Variants in CAB39 observed in about 807,000 individuals in gnomAD.
CAB39 encodes calcium-binding protein 39.
CAB39 carries 8 observed loss-of-function variants against 40.0 expected under a neutral mutation model. That is an observed-to-expected ratio of 0.20 (90% CI 0.12 to 0.36). CAB39 has a LOEUF of 0.36. Ranked by LOEUF, CAB39 falls within the 10% of genes least tolerant of loss-of-function variation. The pLI, the probability that CAB39 is intolerant of heterozygous loss-of-function variation, is 1.00. For synonymous variants in CAB39, 156 were observed against 141.6 expected (o/e 1.10, Z -0.72); for missense variants, 270 against 401.1 (o/e 0.67, Z 2.79).
At chr2:230,812,370 T>C (rs900706198) in intron 6 of CAB39, among the ~76,000 whole-genome samples, 1 of 152,198 alleles carries the variant, frequency 6.6e-6, no homozygotes, top group Non-Finnish European at 1.5e-5. Context: ...AGGACAGGTA[T>C]CTAGGTTTGT....
chr2:230,721,290 G>A (rs767516192), intron 1 of CAB39, among the ~76,000 whole-genome samples: 2 of 152,170 alleles, frequency 1.3e-5, no homozygotes, highest in Non-Finnish European at 2.9e-5. Context: ...AATTAGCTGG[G>A]CATGGTGTCA....
chr2:230,740,074 T>A (rs1694850652), intron 1 of CAB39, among the ~76,000 whole-genome samples: 1 of 152,240 alleles, frequency 6.6e-6, no homozygotes, highest in Non-Finnish European at 1.5e-5. Context: ...AAGTGCTATT[T>A]GGTGACTCTT....
chr2:230,741,128 T>G (rs1369257587), intron 1 of CAB39, among the ~76,000 whole-genome samples: 2 of 152,216 alleles, frequency 1.3e-5, no homozygotes, highest in African/African-American at 4.8e-5. Flanking sequence ...TTTATCTCCC[T>G]CTGACAAAAC....
In CAB39 at chr2:230,820,347, A is replaced by G. The variant is rs1327400040; in HGVS notation, c.*1643A>G. The G allele has an allele frequency of 6.6e-6, 1 of 152,246 alleles. No individual in the cohort carries two copies. The highest frequency in any genetic ancestry group is 1.5e-5 in the Non-Finnish European group (1 of 68,050). 9.4% of individuals were successfully genotyped at this position (152,246 alleles called of 1,614,324 possible). On this transcript the variant is annotated 3_prime_UTR_variant, in exon 9 of 9. Transcript: ENST00000258418. ...CAGGTTTTAAACCTTCAGGAACACC[A>G]GTTAGGAAAATAGCTCCAGAAAATA...
chr2:230,718,782 G>GC (rs1322814301), intron 1 of CAB39, among the ~76,000 whole-genome samples: 1 of 152,126 alleles, frequency 6.6e-6, no homozygotes, highest in Non-Finnish European at 1.5e-5. Flanking sequence ...GAACACTGAG[G>GC]CCCACCGTAA....
chr2:230,775,354 G>A (rs1460761870), intron 2 of CAB39, among the ~76,000 whole-genome samples: 1 of 151,550 alleles, frequency 6.6e-6, no homozygotes, highest in East Asian at 1.9e-4. Context: ...TCCTGCCTCA[G>A]CCTCCTGAGT....
intron 2 of CAB39, among the ~76,000 whole-genome samples, chr2:230,777,941 A>G (rs1695623122): frequency 6.6e-6 from 1 of 152,134 alleles, no homozygotes; most frequent in Admixed American, 6.6e-5. Flanking sequence ...CTTCAATAAC[A>G]TTTTGCCAAA....
chr2:230,735,528 G>A (rs1379640354), intron 1 of CAB39, among the ~76,000 whole-genome samples: 1 of 145,154 alleles, frequency 6.9e-6, no homozygotes, highest in African/African-American at 2.6e-5. Context: ...TTGGGGGGAT[G>A]GGGGGGACAG....
chr2:230,810,465 T>C (rs1696284889), intron 6 of CAB39, 143 bp downstream of exon 6: 1 of 411,698 alleles, frequency 2.4e-6, no homozygotes, highest in Non-Finnish European at 4.5e-6. Context: ...TTTCTCTACT[T>C]AAACAACTTA....
chr2:230,793,061 TGAA>T, intron 3 of CAB39, 149 bp from the exon 4 acceptor site: 3 of 547,158 alleles, frequency 5.5e-6, no homozygotes, highest in Non-Finnish European at 6.7e-6. Flanking sequence ...GAATTACAAA[TGAA>T]GAGATAATTT....
At chr2:230,772,287 G>T (rs1458402392) in intron 2 of CAB39, among the ~76,000 whole-genome samples, 1 of 152,186 alleles carries the variant, frequency 6.6e-6, no homozygotes, top group Non-Finnish European at 1.5e-5. Flanking sequence ...GAGATAGGCA[G>T]ATGTCAAATA....
chr2:230,727,205 C>A (rs1210933461), intron 1 of CAB39, among the ~76,000 whole-genome samples: 1 of 149,852 alleles, frequency 6.7e-6, no homozygotes, highest in East Asian at 2.0e-4. Flanking sequence ...AGATTGTTAA[C>A]CATATTTAAT....
intron 1 of CAB39, among the ~76,000 whole-genome samples, chr2:230,723,004 T>C (rs1029727493): frequency 2.6e-5 from 4 of 152,234 alleles, no homozygotes; most frequent in Admixed American, 2.0e-4. Flanking sequence ...TTCTTAATTT[T>C]CAATTTTGTT....
chr2:230,783,440 C>CTAGTT (rs1695729995), intron 2 of CAB39, among the ~76,000 whole-genome samples: 1 of 56,382 alleles, frequency 1.8e-5, no homozygotes, highest in Non-Finnish European at 4.1e-5. Context: ...CTGTTCTTGT[C>CTAGTT]TAGTTTTGTT....
intron 1 of CAB39, among the ~76,000 whole-genome samples, chr2:230,727,304 G>A (rs1169412430): frequency 3.3e-5 from 5 of 151,104 alleles, no homozygotes; most frequent in African/African-American, 1.2e-4. Flanking sequence ...TTTTAAATGT[G>A]TGTAAATATT....
At chr2:230,764,470 T>C (rs1425876177) in intron 2 of CAB39, among the ~76,000 whole-genome samples, 1 of 152,218 alleles carries the variant, frequency 6.6e-6, no homozygotes, top group Non-Finnish European at 1.5e-5. Flanking sequence ...TATATCTGCA[T>C]GTAGCTCCAT....
intron 2 of CAB39, among the ~76,000 whole-genome samples, chr2:230,777,929 C>G (rs1695622687): frequency 6.6e-6 from 1 of 152,194 alleles, no homozygotes; most frequent in African/African-American, 2.4e-5. Context: ...CCTTTTAAAA[C>G]TCTTCAATAA....
chr2:230,743,804 TAAAG>T (rs1694925062), intron 1 of CAB39, among the ~76,000 whole-genome samples: 1 of 151,630 alleles, frequency 6.6e-6, no homozygotes, highest in Non-Finnish European at 1.5e-5. Context: ...AATATTAATA[TAAAG>T]AAAGAAACCT....
chr2:230,722,682 T>C (rs1388186231), intron 1 of CAB39, among the ~76,000 whole-genome samples: 1 of 152,252 alleles, frequency 6.6e-6, no homozygotes, highest in Admixed American at 6.5e-5. Flanking sequence ...TGTCTGATAG[T>C]GTGCTGTAAG....
Sources: gnomAD v4.1 joint callset for allele counts (sites outside exome capture counted in the v4.1 genomes callset) on GRCh38, gnomAD v4.1.1 for gene constraint, MANE v1.5 for transcripts, NCBI Gene and HGNC (gene_info 2026-07-23, HGNC 2026-07-21) for gene names.